MAOB: variants seen among roughly 807,000 people sequenced by gnomAD.
MAOB encodes the protein amine oxidase [flavin-containing] B.
Under a neutral mutation model 41.9 loss-of-function variants are expected in MAOB, and 15 were observed. The observed-to-expected ratio is 0.36, with a 90% CI of 0.24 to 0.55. The LOEUF (loss-of-function observed/expected upper bound fraction) is 0.55. MAOB is among the 20% of genes least tolerant of loss of function. The probability of loss-of-function intolerance (pLI) is 0.86; values close to 1 mark genes in which losing one functional copy is unlikely to be tolerated. For synonymous variants in MAOB, 167 were observed against 144.2 expected, an observed-to-expected ratio of 1.16 and a Z score of -1.13; for missense variants, 345 against 398.7, an observed-to-expected ratio of 0.87 and a Z score of 1.15.
At chrX:43,836,744 T>A (rs2147161333) in intron 3 of MAOB, among the ~76,000 whole-genome samples, 2 of 112,458 alleles carry the variant, frequency 1.8e-5, no homozygotes, top group Admixed American at 1.9e-4. Context: ...TCTAATCATA[T>A]TTTTACAATA....
intron 12 of MAOB, among the ~76,000 whole-genome samples, chrX:43,772,276 A>G (rs1342172442): frequency 9.0e-6 from 1 of 111,564 alleles, no homozygotes; most frequent in Non-Finnish European, 1.9e-5. Flanking sequence ...TAGTTATAGG[A>G]AGCCTGACAT....
intron 5 of MAOB, 68 bp downstream of exon 5, chrX:43,802,104 G>T (rs1431286373): frequency 2.3e-6 from 2 of 870,580 alleles, no homozygotes; most frequent in Non-Finnish European, 1.7e-6. Context: ...CATACTTGTT[G>T]AACGGTATTG....
intron 3 of MAOB, among the ~76,000 whole-genome samples, chrX:43,833,910 T>C (rs1160283316): frequency 8.9e-6 from 1 of 112,381 alleles, no homozygotes; most frequent in Non-Finnish European, 1.9e-5. Flanking sequence ...ATGCCAAAGA[T>C]CTGCCTGTAT....
intron 2 of MAOB, among the ~76,000 whole-genome samples, chrX:43,843,357 T>TCACACACA (rs61018201): frequency 2.4e-5 from 2 of 83,733 alleles, no homozygotes; most frequent in Non-Finnish European, 4.7e-5. Flanking sequence ...TCTCTCTGTC[T>TCACACACA]CACACACACA....
At chrX:43,790,144 C>T (rs779858550) in intron 8 of MAOB, among the ~76,000 whole-genome samples, 2 of 111,942 alleles carry the variant, frequency 1.8e-5, no homozygotes, top group African/African-American at 6.5e-5. Context: ...TAATTCATAC[C>T]CTTCTATCTT....
chrX:43,844,687 T>TCTCTGCC (rs897181536), intron 1 of MAOB: 3 of 112,579 alleles, frequency 2.7e-5, no homozygotes, highest in Admixed American at 9.4e-5. Flanking sequence ...ACTCTCTCTG[T>TCTCTGCC]CTCTGCCCTC....
At chrX:43,823,165 CTT>C (rs1181398583) in intron 3 of MAOB, among the ~76,000 whole-genome samples, 12 of 60,098 alleles carry the variant, frequency 2.0e-4, no homozygotes, top group East Asian at 1.2e-3. Context: ...AACAGATGGT[CTT>C]TTTTTTTTTT....
At chrX:43,806,662 G>A (rs891949235) in intron 3 of MAOB, among the ~76,000 whole-genome samples, 1 of 111,326 alleles carries the variant, frequency 9.0e-6, no homozygotes. Flanking sequence ...AAGAGGGGAT[G>A]GTGGGAGCTA....
chrX:43,828,782 G>A (rs1447281228), intron 3 of MAOB, among the ~76,000 whole-genome samples: 1 of 111,717 alleles, frequency 9.0e-6, no homozygotes, highest in African/African-American at 3.3e-5. Flanking sequence ...ACCAACTGGG[G>A]CATCTTGAGC....
At chrX:43,793,743 T>C (rs1454769285) in intron 7 of MAOB, among the ~76,000 whole-genome samples, 165 bp from the exon 8 acceptor site, 3 of 111,850 alleles carry the variant, frequency 2.7e-5, no homozygotes, top group Non-Finnish European at 5.6e-5. Flanking sequence ...GTTCAAAACC[T>C]CCAATGACTT....
rs775253391 is a variant in MAOB at position 43,780,205 on chromosome X, C to G, written c.1079+137G>C. On this transcript the variant is annotated intron_variant, in intron 10 of 14. Transcript: ENST00000378069. ...GCAATACACATATAATTAGGCAGTC[C>G]GTAAGTTAAAAAGTTAAGTAAAAAT... 221 of 490,542 alleles carry G rather than the reference C, an allele frequency of 4.5e-4. No individual in the cohort carries two copies. In the African/African-American group the frequency reaches 4.6e-3, roughly 10 times the overall value. 40.4% of individuals were successfully genotyped at this position (490,542 alleles called of 1,213,427 possible).
chrX:43,839,782 A>T (rs1366249356), intron 2 of MAOB, among the ~76,000 whole-genome samples: 2 of 112,336 alleles, frequency 1.8e-5, no homozygotes, highest in African/African-American at 6.5e-5. Flanking sequence ...AATAAATGAA[A>T]GAAGGATGTT....
At chrX:43,801,087 C>T (rs1003820979) in intron 5 of MAOB, among the ~76,000 whole-genome samples, 1 of 107,348 alleles carries the variant, frequency 9.3e-6, no homozygotes, top group Non-Finnish European at 1.9e-5. Context: ...CTGTTTCTCC[C>T]TCTCCCTCTC....
intron 3 of MAOB, among the ~76,000 whole-genome samples, chrX:43,818,712 C>T (rs904822279): frequency 8.9e-6 from 1 of 112,530 alleles, no homozygotes; most frequent in African/African-American, 3.2e-5. Flanking sequence ...ATCTAGGCAT[C>T]ATACTTTTAA....
chrX:43,785,017 G>A (rs1373332829), intron 8 of MAOB, among the ~76,000 whole-genome samples: 1 of 112,103 alleles, frequency 8.9e-6, no homozygotes, highest in Non-Finnish European at 1.9e-5. Flanking sequence ...GCATGGTGGT[G>A]TGTGACTGTA....
rs1056385834 is a variant in MAOB at position 43,776,896 on chromosome X, T to C, written c.1138-1624A>G. On this transcript the variant is annotated intron_variant, in intron 11 of 14. Coordinates refer to ENST00000378069, the MANE Select transcript of MAOB (RefSeq NM_000898.5). The stretch of plus-strand genomic sequence containing the variant: ...TGTCCCTGCGATAGTTTGCTGAGAA[T>C]GACGGTTTCCAGCTTCATCCATGTC... Among the ~76,000 whole-genome samples, 4 of 109,174 alleles carry C rather than the reference T, an allele frequency of 3.7e-5. 1 individual carries two copies. Among genetic ancestry groups the C allele is most frequent in the African/African-American group, 1.3e-4 (4 of 29,857 alleles). 94.8% of individuals were successfully genotyped at this position (109,174 alleles called of 115,157 possible). A position where few individuals can be genotyped will look rare whatever the true frequency, so the allele number is the denominator to read the frequency against.
chrX:43,843,388 CACACACACACACACACACACAGAG>C (rs2035162820), intron 2 of MAOB, among the ~76,000 whole-genome samples: 1 of 107,588 alleles, frequency 9.3e-6, no homozygotes, highest in African/African-American at 3.4e-5. Flanking sequence ...CACACACACA[CACACACACACACACACACACAGAG>C]GCACACACAT....
At position 43,793,582 on chromosome X, in the gene MAOB, A is replaced by G. The variant is rs767809605; in HGVS notation, c.769-4T>C. On this transcript the variant is annotated splice_polypyrimidine_tract_variant and splice_region_variant and intron_variant, in intron 7 of 14. Coordinates refer to ENST00000378069, the MANE Select transcript of MAOB (RefSeq NM_000898.5). ...TAGCACTAATCACATATTTAGCCTG[A>G]AAGAAAAGCAACATGGTTAAACATT... 2 of 1,187,414 alleles carry G rather than the reference A, an allele frequency of 1.7e-6. No individual in the cohort carries two copies. Among genetic ancestry groups the G allele is most frequent in the Admixed American group, 4.8e-5 (2 of 41,694 alleles).
rs1457267613 is a variant in MAOB, at chrX:43,861,539, A to G, written c.47-17775T>C. On this transcript the variant is annotated intron_variant, in intron 1 of 14. Coordinates refer to ENST00000378069, the MANE Select transcript of MAOB (RefSeq NM_000898.5). ...ACAAGGATTCAAAACAGACCCCCAA[A>G]TATCAATAGCATAATGTTAGCTCCA... Among the ~76,000 whole-genome samples, 5 of 111,755 alleles carry G rather than the reference A, an allele frequency of 4.5e-5. No homozygotes were observed. The East Asian group carries it at 8.5e-4, about 19-fold the overall frequency.
Sources: allele counts gnomAD v4.1 joint callset (sites outside exome capture counted in the v4.1 genomes callset), GRCh38; gene constraint gnomAD v4.1.1; transcripts MANE v1.5; gene names NCBI Gene and HGNC (gene_info 2026-07-23, HGNC 2026-07-21).